PDZD7: variants seen among roughly 807,000 people sequenced by gnomAD.
The protein encoded by PDZD7 is PDZ domain-containing protein 7.
Under a neutral mutation model 84.7 loss-of-function variants are expected in PDZD7, and 72 were observed. The observed-to-expected ratio is 0.85, with a 90% CI of 0.70 to 1.03. The LOEUF is 1.03. Among genes scored for constraint, PDZD7 ranks in the 50% least tolerant of loss-of-function variants. The probability of loss-of-function intolerance (pLI) is 0.00; values close to 1 mark genes in which losing one functional copy is unlikely to be tolerated. For synonymous variants in PDZD7, 594 were observed against 580.7 expected (o/e 1.02, Z -0.33); for missense variants, 1,490 against 1,412.9 (o/e 1.05, Z -0.87).
In PDZD7 at chr10:101,030,167, C is replaced by T. The variant is rs555633587; in HGVS notation, c.53G>A (p.Ser18Asn). 9.4e-5 allele frequency: 151 copies of T among 1,613,812 alleles called. 3 individuals are homozygous for T. The South Asian group carries it at 1.6e-3, about 17-fold the overall frequency. ...GGAGAGGGAGCTCAGAGAGCCGGAG[C>T]TCAGGTCTCCTAGGCCCAGTGGGTC... ...GFDPLGLGDL[S>N]SGSLSSLSSR... The change falls in exon 2 of 17, where the codon AGC becomes AAC. Residue 18 changes from serine to asparagine, a missense_variant. Physicochemically the swap from Ser to Asn is conservative, Grantham distance 46. Transcript: ENST00000619208.
In PDZD7 at chr10:101,008,864, A is replaced by G. The variant is rs762860333; in HGVS notation, c.2719-14T>C. Reference sequence around the variant, plus strand: ...CTCGAAGCCAGCCTAGGGTGGGGTGAGAGAGTCACATCCCTCCCTCCTCAT... The same window carrying G: ...CTCGAAGCCAGCCTAGGGTGGGGTGGGAGAGTCACATCCCTCCCTCCTCAT... On this transcript the variant is annotated splice_polypyrimidine_tract_variant and intron_variant, in intron 16 of 16. Coordinates refer to ENST00000619208, the MANE Select transcript of PDZD7 (RefSeq NM_001195263.2). 1.2e-5 allele frequency: 17 copies of G among 1,475,346 alleles called. No individual in the cohort carries two copies. The highest frequency in any genetic ancestry group is 2.2e-5 in the Admixed American group (1 of 45,316). 91.4% of individuals were successfully genotyped at this position (1,475,346 alleles called of 1,614,324 possible). A position where few individuals can be genotyped will look rare whatever the true frequency, so the allele number is the denominator to read the frequency against.
intron 9 of PDZD7, chr10:101,017,825 AGGAAGGAAG>A (rs1564632071): frequency 3.3e-6 from 1 of 307,538 alleles, no homozygotes. Flanking sequence ...AAGGAAAGAA[AGGAAGGAAG>A]GAAGGAAAGA....
chr10:101,028,227 G>T (rs183770927), intron 2 of PDZD7, among the ~76,000 whole-genome samples: 11 of 152,286 alleles, frequency 7.2e-5, no homozygotes, highest in African/African-American at 2.6e-4. Context: ...TTCCTTGGCT[G>T]CACAGTGGCG....
In PDZD7 at chr10:101,024,038, G is replaced by A. The variant is rs761666704; in HGVS notation, c.257C>T (p.Ser86Leu). The change falls in exon 3 of 17, where the codon TCA becomes TTA. Residue 86 changes from serine (S) to leucine (L), a missense_variant. Ser to Leu is a moderately radical substitution (Grantham distance 145). Coordinates refer to ENST00000619208, the MANE Select transcript of PDZD7 (RefSeq NM_001195263.2). ...ANSDESDIIH[S>L]VRVEKSPAGR... is the part of the protein sequence containing the mutation. ...TGCTGGACTCTTCTCCACCCGGACT[G>A]AATGGATGATGTCACTTTCATCACT... 8 of 1,614,278 alleles carry A rather than the reference G, an allele frequency of 5.0e-6. No individual in the cohort carries two copies. The Admixed American group carries it at 1.3e-4, about 27-fold the overall frequency.
intron 15 of PDZD7, among the ~76,000 whole-genome samples, 175 bp from the exon 16 acceptor site, chr10:101,009,525 CA>C (rs1257989399): frequency 6.6e-6 from 1 of 151,558 alleles, no homozygotes; most frequent in Non-Finnish European, 1.5e-5. Context: ...CCCAGCCCCT[CA>C]AATCTAGACC....
intron 2 of PDZD7, among the ~76,000 whole-genome samples, chr10:101,024,433 A>G (rs1243982535): frequency 6.9e-6 from 1 of 145,936 alleles, no homozygotes; most frequent in African/African-American, 2.7e-5. Context: ...TTGTAGAGGC[A>G]GGGTCTCACT....
intron 2 of PDZD7, among the ~76,000 whole-genome samples, chr10:101,029,438 C>T (rs1193360954): frequency 6.6e-6 from 1 of 152,202 alleles, no homozygotes; most frequent in African/African-American, 2.4e-5. Flanking sequence ...TCTCCCCTTC[C>T]CTGATGGAGC....
Position 101,008,204 on chromosome 10 carries a change from A to T in PDZD7, c.*263T>A. ...CCAAGCTCCAGACCTTGGCTTTCTC[A>T]CCCCCTATCCTGGCTTGGGAGGTTG... On this transcript the variant is annotated 3_prime_UTR_variant, in exon 17 of 17. Transcript: ENST00000619208. The T allele has an allele frequency of 2.0e-6, 1 of 496,492 alleles. No homozygotes were observed. The highest frequency in any genetic ancestry group is 3.5e-6 in the Non-Finnish European group (1 of 283,532). The allele number at this position is 496,492 out of a possible 1,614,324, so 30.8% of individuals were successfully genotyped here. A position where few individuals can be genotyped will look rare whatever the true frequency, so the allele number is the denominator to read the frequency against.
intron 9 of PDZD7, among the ~76,000 whole-genome samples, chr10:101,017,019 C>T (rs1054243230): frequency 6.6e-6 from 1 of 152,144 alleles, no homozygotes; most frequent in Non-Finnish European, 1.5e-5. Context: ...AAAACAGCAC[C>T]CTGATTTTCC....
At position 101,011,700 on chromosome 10, in the gene PDZD7, G is replaced by A; in HGVS notation, c.1995C>T (p.Thr665=). Residue 665 remains threonine (T), a synonymous_variant, in exon 14 of 17, where the codon ACC becomes ACT. Coordinates refer to ENST00000619208, the MANE Select transcript of PDZD7 (RefSeq NM_001195263.2). The stretch of plus-strand genomic sequence containing the variant: ...GGGACTCTGACTGACCAGGCACGGG[G>A]GTGATAAGGTGACGCTTGGGTGGCG... ...QDTPPKRHLI[T]PVPDSRGGFY... is the part of the protein sequence containing the mutation. 1 of 1,539,694 alleles carries A rather than the reference G, an allele frequency of 6.5e-7. No individual in the cohort carries two copies. Among genetic ancestry groups the A allele is most frequent in the South Asian group, 1.2e-5 (1 of 84,060 alleles).
At chr10:101,011,500 G>T in intron 14 of PDZD7, 190 bp downstream of exon 14, 1 of 1,403,198 alleles carries the variant, frequency 7.1e-7, no homozygotes, top group South Asian at 1.6e-5. Flanking sequence ...CAACTATTAA[G>T]TAATAGTACA....
At chr10:101,018,743 T>C (rs1852855507) in intron 8 of PDZD7, 79 bp downstream of exon 8, 1 of 1,468,994 alleles carries the variant, frequency 6.8e-7, no homozygotes, top group Non-Finnish European at 9.0e-7. Context: ...AAAGGGAGGT[T>C]TGAGCCCGGG....
intron 14 of PDZD7, 90 bp from the exon 15 acceptor site, chr10:101,010,973 G>A: frequency 6.5e-7 from 1 of 1,526,998 alleles, no homozygotes; most frequent in Non-Finnish European, 8.8e-7. Context: ...GTGAGAGCCA[G>A]GCCCGAGTTT....
At chr10:101,013,928 C>A (rs1310791128) in intron 11 of PDZD7, among the ~76,000 whole-genome samples, 1 of 150,278 alleles carries the variant, frequency 6.7e-6, no homozygotes, top group Non-Finnish European at 1.5e-5. Context: ...TGGCTCACTG[C>A]AACCTCCACC....
At chr10:101,012,103 A>T in intron 12 of PDZD7, 64 bp downstream of exon 12, 1 of 1,540,688 alleles carries the variant, frequency 6.5e-7, no homozygotes, top group Non-Finnish European at 8.8e-7. Flanking sequence ...AGCCCTCGGG[A>T]GGTTGGGGGT....
At chr10:101,022,556 C>T (rs1039579874) in intron 4 of PDZD7, among the ~76,000 whole-genome samples, 171 bp from the exon 5 acceptor site, 3 of 151,930 alleles carry the variant, frequency 2.0e-5, no homozygotes, top group Admixed American at 2.0e-4. Flanking sequence ...AGCCTAATTG[C>T]CTCTTTTTAT....
chr10:101,020,558 G>A (rs148959844), intron 7 of PDZD7, 60 bp downstream of exon 7: 453 of 1,518,880 alleles, frequency 3.0e-4, no homozygotes, highest in Non-Finnish European at 3.9e-4. Context: ...TCAGAGAGCC[G>A]GGCCCCACCC....
rs188948002 is a variant in PDZD7 at position 101,029,793 on chromosome 10, C to A, written c.226+201G>T. Among the ~76,000 whole-genome samples, 129 of 152,320 alleles carry A rather than the reference C, an allele frequency of 8.5e-4. 1 individual carries two copies. Among genetic ancestry groups the A allele is most frequent in the Middle Eastern group, 6.8e-3 (2 of 294 alleles). ...CCTCTGACCCTTCTACGACCCTGGA[C>A]CCCTGCAGGATTGGCCTGGAGGAGA... On this transcript the variant is annotated intron_variant, in intron 2 of 16. Transcript: ENST00000619208.
In PDZD7 at chr10:101,022,278, G is replaced by A; in HGVS notation, c.650C>T (p.Ser217Phe). 1 of 1,614,230 alleles carries A rather than the reference G, an allele frequency of 6.2e-7. No individual in the cohort carries two copies. The highest frequency in any genetic ancestry group is 1.1e-5 in the South Asian group (1 of 91,088). ...GTTGAAGCCCAGGCAGAAGTCGTCG[G>A]AGGTTGTGTATAGGTGGACGATGCG... is the stretch of plus-strand genomic sequence containing the variant. ...VRRIVHLYTT[S>F]DDFCLGFNIR... The change falls in exon 5 of 17, where the codon TCC (serine) becomes TTC (phenylalanine). Residue 217 changes from serine to phenylalanine, a missense_variant. Transcript: ENST00000619208.
Sources: allele counts gnomAD v4.1 joint callset (sites outside exome capture counted in the v4.1 genomes callset), GRCh38; gene constraint gnomAD v4.1.1; transcripts MANE v1.5; gene names NCBI Gene and HGNC (gene_info 2026-07-23, HGNC 2026-07-21).